The following SCO1 variants were observed in gnomAD, a reference collection of about 807,000 sequenced individuals.
The protein encoded by SCO1 is synthesis of cytochrome C oxidase 1.
In SCO1, 23 loss-of-function variants were observed where a neutral mutation model predicts 34.0. That is an observed-to-expected ratio of 0.68 (90% CI 0.49 to 0.96). The LOEUF (loss-of-function observed/expected upper bound fraction) is 0.96, where lower values mean the gene tolerates loss of function less well. Among genes scored for constraint, SCO1 ranks in the 40% least tolerant of loss-of-function variants. SCO1 has a pLI of 0.00. For synonymous variants in SCO1, 161 were observed against 145.5 expected, an observed-to-expected ratio of 1.11 and a Z score of -0.77; for missense variants, 404 against 381.6, an observed-to-expected ratio of 1.06 and a Z score of -0.49.
At chr17:10,688,620 C>G (rs1225236768) in intron 4 of SCO1, among the ~76,000 whole-genome samples, 1 of 152,174 alleles carries the variant, frequency 6.6e-6, no homozygotes, top group African/African-American at 2.4e-5. Flanking sequence ...ACTATATGAT[C>G]TAACCATTCC....
At chr17:10,691,583 T>C (rs1262307308) in intron 4 of SCO1, among the ~76,000 whole-genome samples, 1 of 152,256 alleles carries the variant, frequency 6.6e-6, no homozygotes, top group African/African-American at 2.4e-5. Flanking sequence ...AAGCAATGTG[T>C]CCTTACTCTC....
intron 1 of SCO1, among the ~76,000 whole-genome samples, chr17:10,696,868 C>T (rs1479833149): frequency 6.6e-6 from 1 of 152,102 alleles, no homozygotes; most frequent in East Asian, 1.9e-4. Flanking sequence ...CTGGATGGGG[C>T]TCAAGTGACA....
chr17:10,687,471 T>C (rs2074663835), intron 4 of SCO1, among the ~76,000 whole-genome samples: 1 of 152,234 alleles, frequency 6.6e-6, no homozygotes, highest in African/African-American at 2.4e-5. Flanking sequence ...TTAAAACAAC[T>C]GGATTCATCA....
intron 2 of SCO1, chr17:10,695,418 T>C (rs1424621726): frequency 3.0e-6 from 1 of 334,396 alleles, no homozygotes; most frequent in South Asian, 2.7e-5. Flanking sequence ...CTTTTAACAT[T>C]GTTATGCAGT....
At chr17:10,684,486 C>G (rs2074642299) in intron 5 of SCO1, among the ~76,000 whole-genome samples, 1 of 152,242 alleles carries the variant, frequency 6.6e-6, no homozygotes, top group African/African-American at 2.4e-5. Context: ...AACCCCCTCC[C>G]TTCTTGCCCT....
At chr17:10,681,868 A>G (rs2074623976) in intron 5 of SCO1, among the ~76,000 whole-genome samples, 1 of 152,248 alleles carries the variant, frequency 6.6e-6, no homozygotes. Context: ...TTTAGTTTTA[A>G]TATTAGTAAT....
At chr17:10,689,150 A>G (rs1877748495) in intron 4 of SCO1, among the ~76,000 whole-genome samples, 1 of 149,186 alleles carries the variant, frequency 6.7e-6, no homozygotes, top group Non-Finnish European at 1.5e-5. Flanking sequence ...GCAGTTCTGC[A>G]GATGGGAGAT....
intron 5 of SCO1, among the ~76,000 whole-genome samples, chr17:10,685,262 C>G (rs2074648501): frequency 6.6e-6 from 1 of 152,150 alleles, no homozygotes; most frequent in South Asian, 2.1e-4. Context: ...AGCTTCACAG[C>G]TAGAAAGGCT....
intron 5 of SCO1, among the ~76,000 whole-genome samples, chr17:10,685,358 C>T (rs1403068253): frequency 5.9e-5 from 9 of 152,138 alleles, no homozygotes; most frequent in African/African-American, 1.2e-4. Context: ...TAAAATACAA[C>T]GCCGACTCTT....
intron 4 of SCO1, 77 bp downstream of exon 4, chr17:10,691,795 C>T: frequency 1.2e-6 from 1 of 864,316 alleles, no homozygotes; most frequent in Non-Finnish European, 1.9e-6. Flanking sequence ...TTTCACAAGG[C>T]ACTGTAAGGT....
rs1481001202 is a variant in SCO1 at position 10,673,260 on chromosome 17, T to G, written c.*7859A>C. ...CTCGTGATCTGCCTTTTCTTTATCT[T>G]GTCTGGTTATGTGCATCCCAGAGGC... On this transcript the variant is annotated 3_prime_UTR_variant, in exon 6 of 6. Transcript: ENST00000255390. The G allele has an allele frequency of 1.3e-5, 2 of 152,246 alleles. No homozygotes were observed. Among genetic ancestry groups the G allele is most frequent in the Non-Finnish European group, 2.9e-5 (2 of 68,082 alleles). 9.4% of individuals were successfully genotyped at this position (152,246 alleles called of 1,614,324 possible). A position where few individuals can be genotyped will look rare whatever the true frequency, so the allele number is the denominator to read the frequency against.
chr17:10,691,838 C>T (rs1336803299), intron 4 of SCO1, 34 bp downstream of exon 4: 3 of 1,409,094 alleles, frequency 2.1e-6, no homozygotes, highest in Non-Finnish European at 3.0e-6. Context: ...AACTTTAAGG[C>T]TAAATAAATG....
chr17:10,697,386 A>G lies in SCO1; in HGVS notation c.122T>C (p.Leu41Pro). The change falls in exon 1 of 6, where the codon CTG (leucine) becomes CCG (proline). Residue 41 changes from leucine (L) to proline (P), a missense_variant. Transcript: ENST00000255390. ...CGCTTGCCGCGCGCAGAACTGCCTC[A>G]GCAAGACTCTCGCAGTCCCCTCGGC... ...GPAEGTARVLLRQFCARQAEA... is the reference protein window; with the variant it reads ...GPAEGTARVLPRQFCARQAEA... The G allele has an allele frequency of 1.9e-6, 3 of 1,602,410 alleles. No homozygotes were observed. Among genetic ancestry groups the G allele is most frequent in the Non-Finnish European group, 2.6e-6 (3 of 1,174,508 alleles).
chr17:10,683,843 C>T (rs150783773), intron 5 of SCO1: 1 of 152,174 alleles, frequency 6.6e-6, no homozygotes, highest in Non-Finnish European at 1.5e-5. Flanking sequence ...AAGCCAGAAG[C>T]TTGCCTGTTG....
intron 5 of SCO1, chr17:10,683,954 A>G (rs933050105): frequency 6.6e-6 from 1 of 152,180 alleles, no homozygotes; most frequent in Non-Finnish European, 1.5e-5. Flanking sequence ...TGATAACAGA[A>G]GTTTCCCAAA....
chr17:10,689,111 GTC>G (rs1224648474), intron 4 of SCO1, among the ~76,000 whole-genome samples: 1 of 33,828 alleles, frequency 3.0e-5, no homozygotes, highest in African/African-American at 2.2e-4. Context: ...GCGAGACTCC[GTC>G]TCAAAAAAAA....
intron 2 of SCO1, among the ~76,000 whole-genome samples, chr17:10,694,893 T>C (rs1342644289): frequency 1.3e-5 from 2 of 152,140 alleles, no homozygotes; most frequent in African/African-American, 2.4e-5. Flanking sequence ...CACTGCTAAG[T>C]TCCTAAAGCC....
Position 10,680,251 on chromosome 17 carries a change from G to A in SCO1, c.*868C>T, listed in dbSNP as rs148491005. On this transcript the variant is annotated 3_prime_UTR_variant, in exon 6 of 6. Transcript: ENST00000255390. ...CAGCAAGCGTCCCACCCACCTGCCC[G>A]CTGGAGCCTGTGGGTCTCTTTCCTG... The A allele has an allele frequency of 7.1e-3, 1,075 of 152,426 alleles. 6 individuals carry two copies. The highest frequency in any genetic ancestry group is 8.7e-3 in the Non-Finnish European group (594 of 68,168). 9.4% of individuals were successfully genotyped at this position (152,426 alleles called of 1,614,324 possible). A position where few individuals can be genotyped will look rare whatever the true frequency, so the allele number is the denominator to read the frequency against.
Position 10,678,541 on chromosome 17 carries a change from G to C in SCO1, c.*2578C>G, listed in dbSNP as rs1485250597. On this transcript the variant is annotated 3_prime_UTR_variant, in exon 6 of 6. Transcript: ENST00000255390. ...ATCTAAGAGCAAACTTGCTGCAAAGGGATCCACACAAATGTTTTGTGGCTT... is the reference window on the plus strand; with the variant it reads ...ATCTAAGAGCAAACTTGCTGCAAAGCGATCCACACAAATGTTTTGTGGCTT... The C allele has an allele frequency of 1.3e-5, 2 of 150,992 alleles. No individual in the cohort carries two copies. Among genetic ancestry groups the C allele is most frequent in the Non-Finnish European group, 3.0e-5 (2 of 67,678 alleles). The allele number at this position is 150,992 out of a possible 1,614,324, so 9.4% of individuals were successfully genotyped here.
Sources: allele counts gnomAD v4.1 joint callset (sites outside exome capture counted in the v4.1 genomes callset), GRCh38; gene constraint gnomAD v4.1.1; transcripts MANE v1.5; gene names NCBI Gene and HGNC (gene_info 2026-07-23, HGNC 2026-07-21).